Variants in PDE4D observed in about 807,000 individuals in gnomAD.
The protein encoded by PDE4D is phosphodiesterase 4D.
PDE4D carries 24 observed loss-of-function variants against 87.4 expected under a neutral mutation model. The ratio of observed to expected loss-of-function variants is 0.27; its 90% CI spans 0.20 to 0.39. PDE4D has a LOEUF of 0.39. Ranked by LOEUF, PDE4D falls within the 10% of genes least tolerant of loss-of-function variation. PDE4D has a pLI of 1.00. For missense variants in PDE4D, 714 were observed against 1,041.0 expected, an observed-to-expected ratio of 0.69 and a Z score of 4.32; for synonymous variants, 384 against 383.2, an observed-to-expected ratio of 1.00 and a Z score of -0.02.
intron 1 of PDE4D, among the ~76,000 whole-genome samples, chr5:59,410,156 T>A (rs1035326542): frequency 2.0e-5 from 3 of 152,184 alleles, no homozygotes; most frequent in Non-Finnish European, 2.9e-5. Flanking sequence ...TGCTATCAAA[T>A]ACTAGATCTT....
intron 5 of PDE4D, among the ~76,000 whole-genome samples, chr5:59,171,766 C>CTA (rs1157157653): frequency 1.5e-5 from 2 of 135,988 alleles, no homozygotes; most frequent in Admixed American, 7.9e-5. Context: ...CTCTCTCTCT[C>CTA]TCTATATATG....
intron 6 of PDE4D, among the ~76,000 whole-genome samples, chr5:59,027,239 C>G (rs1357016313): frequency 6.6e-6 from 1 of 152,152 alleles, no homozygotes; most frequent in Non-Finnish European, 1.5e-5. Flanking sequence ...AGTAGGGAAA[C>G]CACAGATTAA....
upstream of PDE4D, chr5:59,893,932 T>A: frequency 1.7e-6 from 1 of 595,962 alleles, no homozygotes; most frequent in South Asian, 7.3e-5. Context: ...TGGTCCTTCT[T>A]CCTCCCTTTC....
intron 1 of PDE4D, among the ~76,000 whole-genome samples, chr5:59,226,845 C>T (rs981349175): frequency 8.1e-5 from 12 of 148,916 alleles, no homozygotes; most frequent in South Asian, 2.1e-4. Flanking sequence ...CAATGGGAAG[C>T]GGAAAGTGTC....
At chr5:60,097,951 A>C (rs540253161) in intron 2 of PDE4D, among the ~76,000 whole-genome samples, 9 of 152,114 alleles carry the variant, frequency 5.9e-5, no homozygotes, top group Admixed American at 4.6e-4. Context: ...ACTGGGTGTG[A>C]AGTGAGATTA....
At chr5:60,011,608 A>G (rs1280980758) in intron 2 of PDE4D, among the ~76,000 whole-genome samples, 1 of 152,184 alleles carries the variant, frequency 6.6e-6, no homozygotes, top group African/African-American at 2.4e-5. Flanking sequence ...TGACATTAAA[A>G]ACAGCAGTCT....
chr5:59,289,797 C>G (rs1767671539), intron 1 of PDE4D, among the ~76,000 whole-genome samples: 1 of 151,924 alleles, frequency 6.6e-6, no homozygotes, highest in Non-Finnish European at 1.5e-5. Flanking sequence ...TCCACCAAAA[C>G]ACTATTAGAA....
At chr5:60,365,665 T>G (rs1425959629) in intron 1 of PDE4D, among the ~76,000 whole-genome samples, 2 of 152,252 alleles carry the variant, frequency 1.3e-5, no homozygotes, top group East Asian at 3.8e-4. Context: ...CCAAGGGCGC[T>G]GAGATTACAA....
chr5:60,032,659 T>C (rs1767363550), intron 2 of PDE4D: 1 of 152,178 alleles, frequency 6.6e-6, no homozygotes, highest in Non-Finnish European at 1.5e-5. Flanking sequence ...TGGGAGATAA[T>C]TTACTAGATA....
intron 1 of PDE4D, among the ~76,000 whole-genome samples, chr5:59,374,373 C>T (rs1359472445): frequency 1.3e-5 from 2 of 152,044 alleles, no homozygotes; most frequent in African/African-American, 4.8e-5. Context: ...GCAGGGGTTG[C>T]AATCCTAGTT....
At chr5:60,231,194 A>G (rs1027661305) in intron 1 of PDE4D, among the ~76,000 whole-genome samples, 3 of 152,008 alleles carry the variant, frequency 2.0e-5, no homozygotes, top group East Asian at 1.9e-4. Flanking sequence ...GTGAATCCAC[A>G]CTTCTCATCT....
chr5:59,833,644 T>C (rs1741575553), intron 1 of PDE4D, among the ~76,000 whole-genome samples: 1 of 151,916 alleles, frequency 6.6e-6, no homozygotes, highest in African/African-American at 2.4e-5. Flanking sequence ...AAGTTTGAGA[T>C]TTATAGTTGG....
chr5:59,754,340 T>C (rs1426579633), intron 1 of PDE4D, among the ~76,000 whole-genome samples: 1 of 152,068 alleles, frequency 6.6e-6, no homozygotes, highest in Non-Finnish European at 1.5e-5. Context: ...AAGATGTCCC[T>C]TTAAGACAGT....
chr5:59,036,927 T>C (rs1403197502), intron 6 of PDE4D, among the ~76,000 whole-genome samples: 1 of 152,208 alleles, frequency 6.6e-6, no homozygotes, highest in Non-Finnish European at 1.5e-5. Flanking sequence ...CTAGATTTCA[T>C]TTTAACCAAA....
At chr5:60,334,669 T>C (rs925426905) in intron 1 of PDE4D, among the ~76,000 whole-genome samples, 2 of 151,834 alleles carry the variant, frequency 1.3e-5, no homozygotes, top group Admixed American at 6.6e-5. Context: ...CTCAAGCCAC[T>C]GCCCCCGAGA....
intron 5 of PDE4D, among the ~76,000 whole-genome samples, chr5:59,046,729 G>C (rs989240981): frequency 6.6e-6 from 1 of 152,168 alleles, no homozygotes; most frequent in African/African-American, 2.4e-5. Context: ...ATTGGCCCAA[G>C]CAGAAATGTC....
intron 1 of PDE4D, among the ~76,000 whole-genome samples, chr5:59,433,303 T>G (rs967752528): frequency 6.6e-6 from 1 of 152,036 alleles, no homozygotes; most frequent in Non-Finnish European, 1.5e-5. Flanking sequence ...AGCAGGGGCA[T>G]TTTTGCTTGT....
chr5:60,448,702 G>A (rs1745846946), intron 1 of PDE4D: 1 of 152,126 alleles, frequency 6.6e-6, no homozygotes, highest in Non-Finnish European at 1.5e-5. Flanking sequence ...TGGGATGAAG[G>A]AAAATGAAAT....
intron 1 of PDE4D, among the ~76,000 whole-genome samples, chr5:59,349,362 C>T (rs1425077363): frequency 2.0e-5 from 3 of 151,996 alleles, no homozygotes; most frequent in Admixed American, 6.6e-5. Flanking sequence ...GAAGCTGAGG[C>T]CTCCAGAACA....
Sources: gnomAD v4.1 joint callset for allele counts (sites outside exome capture counted in the v4.1 genomes callset) on GRCh38, gnomAD v4.1.1 for gene constraint, MANE v1.5 for transcripts, NCBI Gene and HGNC (gene_info 2026-07-23, HGNC 2026-07-21) for gene names.